Variants in DAB1 observed in about 807,000 individuals in gnomAD.
The protein encoded by DAB1 is disabled homolog 1.
DAB1 carries 15 observed loss-of-function variants against 64.6 expected under a neutral mutation model. The ratio of observed to expected loss-of-function variants is 0.23; its 90% CI spans 0.16 to 0.36. The LOEUF is 0.36. Among genes scored for constraint, DAB1 ranks in the 10% least tolerant of loss-of-function variants. The probability of loss-of-function intolerance (pLI) is 1.00; values close to 1 mark genes in which losing one functional copy is unlikely to be tolerated. For synonymous variants in DAB1, 235 were observed against 251.9 expected (o/e 0.93, Z 0.64); for missense variants, 596 against 706.7 (o/e 0.84, Z 1.78).
chr1:57,820,033 T>C (rs1327013370), intron 6 of DAB1, among the ~76,000 whole-genome samples: 1 of 152,148 alleles, frequency 6.6e-6, no homozygotes, highest in Non-Finnish European at 1.5e-5. Flanking sequence ...ATTATCTCAT[T>C]TGGTCTTCAG....
intron 3 of DAB1, among the ~76,000 whole-genome samples, chr1:58,495,428 T>C (rs1195689649): frequency 6.6e-6 from 1 of 151,900 alleles, no homozygotes; most frequent in African/African-American, 2.4e-5. Flanking sequence ...ATAATAATAA[T>C]AATACATTCC....
At chr1:58,197,237 A>C (rs1253695015) in intron 4 of DAB1, among the ~76,000 whole-genome samples, 6 of 152,226 alleles carry the variant, frequency 3.9e-5, no homozygotes, top group Non-Finnish European at 7.3e-5. Context: ...CCCTGACAAG[A>C]TCTATTGAAA....
chr1:58,300,649 GA>G (rs1557726360), intron 4 of DAB1, among the ~76,000 whole-genome samples: 2 of 49,282 alleles, frequency 4.1e-5, no homozygotes, highest in African/African-American at 8.0e-5. Context: ...AGAGAGAGAG[GA>G]AGGAAGGAAG....
chr1:58,323,677 T>G (rs1162802109), intron 4 of DAB1, among the ~76,000 whole-genome samples: 4 of 152,190 alleles, frequency 2.6e-5, no homozygotes, highest in Non-Finnish European at 5.9e-5. Flanking sequence ...AGCCGCACTT[T>G]GGGAGGCTGA....
chr1:57,709,317 G>A (rs1647000808), intron 6 of DAB1, among the ~76,000 whole-genome samples: 1 of 152,274 alleles, frequency 6.6e-6, no homozygotes, highest in Non-Finnish European at 1.5e-5. Context: ...TACATTGGTA[G>A]AAATTCCATT....
At chr1:58,468,261 T>C (rs1182254429) in intron 3 of DAB1, 1 of 152,276 alleles carries the variant, frequency 6.6e-6, no homozygotes, top group Non-Finnish European at 1.5e-5. Flanking sequence ...TATGTACTCA[T>C]CTACAAATTA....
chr1:57,382,034 C>T (rs1290089953), intron 1 of DAB1, among the ~76,000 whole-genome samples: 2 of 152,112 alleles, frequency 1.3e-5, no homozygotes, highest in Non-Finnish European at 2.9e-5. Flanking sequence ...TAAGCAAATG[C>T]TCTGGGGTTG....
At chr1:57,194,880 C>G (rs1664494029) in intron 2 of DAB1, among the ~76,000 whole-genome samples, 1 of 152,212 alleles carries the variant, frequency 6.6e-6, no homozygotes, top group Non-Finnish European at 1.5e-5. Flanking sequence ...AGAATGCAAC[C>G]AACACAGCAT....
intron 5 of DAB1, among the ~76,000 whole-genome samples, chr1:58,004,987 C>A (rs1265864850): frequency 6.6e-6 from 1 of 152,096 alleles, no homozygotes; most frequent in Non-Finnish European, 1.5e-5. Flanking sequence ...ACTAGTAAGC[C>A]TTTTGCTACA....
intron 2 of DAB1, among the ~76,000 whole-genome samples, chr1:57,199,617 C>T (rs1664926943): frequency 2.0e-5 from 3 of 152,214 alleles, no homozygotes; most frequent in African/African-American, 4.8e-5. Flanking sequence ...AATCACGGAT[C>T]ATCTGCAGGG....
chr1:57,968,548 A>G (rs1645723174), intron 5 of DAB1, among the ~76,000 whole-genome samples: 1 of 152,182 alleles, frequency 6.6e-6, no homozygotes, highest in Non-Finnish European at 1.5e-5. Context: ...CGAGGATAGG[A>G]AGCAGAAAGT....
At chr1:57,490,712 C>T (rs896933504) in intron 7 of DAB1, among the ~76,000 whole-genome samples, 18 of 152,164 alleles carry the variant, frequency 1.2e-4, no homozygotes, top group African/African-American at 4.1e-4. Flanking sequence ...TCTATAACTA[C>T]TGCTATTTGA....
chr1:58,330,018 G>T (rs1193252789), intron 4 of DAB1, among the ~76,000 whole-genome samples: 2 of 152,152 alleles, frequency 1.3e-5, no homozygotes, highest in African/African-American at 4.8e-5. Context: ...AAATGATTAA[G>T]ATCAGTTAGA....
At chr1:58,230,854 A>C (rs1659745243) in intron 4 of DAB1, among the ~76,000 whole-genome samples, 1 of 152,222 alleles carries the variant, frequency 6.6e-6, no homozygotes, top group Non-Finnish European at 1.5e-5. Flanking sequence ...ACAGCTCTGC[A>C]AGGTAGGAAT....
chr1:57,076,943 G>T (rs1652048582), intron 4 of DAB1, among the ~76,000 whole-genome samples: 1 of 152,166 alleles, frequency 6.6e-6, no homozygotes, highest in African/African-American at 2.4e-5. Context: ...CTACACAGAT[G>T]AATAAAACAC....
At chr1:58,500,355 C>A (rs927036315) in intron 3 of DAB1, among the ~76,000 whole-genome samples, 34 of 152,156 alleles carry the variant, frequency 2.2e-4, no homozygotes, top group Admixed American at 2.2e-3. Context: ...TTTGTGTACA[C>A]TGGCCAACAA....
chr1:58,036,856 C>T (rs2100493740), intron 5 of DAB1, among the ~76,000 whole-genome samples: 1 of 152,246 alleles, frequency 6.6e-6, no homozygotes, highest in Admixed American at 6.5e-5. Flanking sequence ...ATCTTCTTCT[C>T]CCTAGATACA....
chr1:58,075,351 T>G (rs1431689189), intron 5 of DAB1, among the ~76,000 whole-genome samples: 1 of 152,320 alleles, frequency 6.6e-6, no homozygotes, highest in East Asian at 1.9e-4. Flanking sequence ...GTCATGTGAC[T>G]TTTTTGGCTA....
At chr1:57,817,152 A>G (rs2101891371) in intron 6 of DAB1, among the ~76,000 whole-genome samples, 1 of 152,352 alleles carries the variant, frequency 6.6e-6, no homozygotes, top group East Asian at 1.9e-4. Flanking sequence ...TGCCAGGCAC[A>G]TAATATATAT....
Sources: gnomAD v4.1 joint callset for allele counts (sites outside exome capture counted in the v4.1 genomes callset) on GRCh38, gnomAD v4.1.1 for gene constraint, MANE v1.5 for transcripts, NCBI Gene and HGNC (gene_info 2026-07-23, HGNC 2026-07-21) for gene names.